Variants in DAB1 observed in about 807,000 individuals in gnomAD.
DAB1 encodes DAB adaptor protein 1, also known as disabled homolog 1.
Under a neutral mutation model 64.6 loss-of-function variants are expected in DAB1, and 15 were observed. That is an observed-to-expected ratio of 0.23 (90% CI 0.16 to 0.36). The LOEUF is 0.36. Among genes scored for constraint, DAB1 ranks in the 10% least tolerant of loss-of-function variants. The pLI is 1.00. For missense variants in DAB1, 596 were observed against 706.7 expected, an observed-to-expected ratio of 0.84 and a Z score of 1.78; for synonymous variants, 235 against 251.9, an observed-to-expected ratio of 0.93 and a Z score of 0.64.
chr1:58,490,720 C>T (rs1047375679), intron 3 of DAB1, among the ~76,000 whole-genome samples: 1 of 151,238 alleles, frequency 6.6e-6, no homozygotes, highest in Non-Finnish European at 1.5e-5. Flanking sequence ...CAAAGGGAAG[C>T]CCATCAGACT....
intron 7 of DAB1, among the ~76,000 whole-genome samples, chr1:57,444,724 C>T (rs941700632): frequency 6.6e-6 from 1 of 152,170 alleles, no homozygotes. Flanking sequence ...AACCAAGGAA[C>T]ACCTGCAGCC....
intron 4 of DAB1, among the ~76,000 whole-genome samples, chr1:57,094,354 G>A (rs777301627): frequency 1.3e-5 from 2 of 152,022 alleles, no homozygotes; most frequent in South Asian, 2.1e-4. Context: ...TGCAAAATCC[G>A]GATCACATTC....
intron 5 of DAB1, among the ~76,000 whole-genome samples, chr1:57,916,268 C>G (rs1644725889): frequency 6.6e-6 from 1 of 152,204 alleles, no homozygotes; most frequent in African/African-American, 2.4e-5. Context: ...GCCCTCCTCT[C>G]TCCCAGACAA....
intron 6 of DAB1, among the ~76,000 whole-genome samples, chr1:57,788,591 G>C (rs80201196): frequency 0.013 from 2,021 of 152,252 alleles, 44 homozygotes; most frequent in African/African-American, 0.046. Flanking sequence ...GTTATTCTAT[G>C]TATTTCCCAC....
At chr1:58,304,085 C>T (rs973236) in intron 4 of DAB1, among the ~76,000 whole-genome samples, 143,178 of 152,122 alleles carry the variant, frequency 0.94, 67,416 homozygotes, top group East Asian at 0.99. Context: ...TGGATAAGTA[C>T]GGGGAAAAAT....
chr1:57,786,075 T>C (rs1292690867), intron 6 of DAB1, among the ~76,000 whole-genome samples: 1 of 152,188 alleles, frequency 6.6e-6, no homozygotes, highest in Admixed American at 6.5e-5. Flanking sequence ...GCAAAGAAGA[T>C]CACGACTCCT....
chr1:57,533,498 G>A (rs147229927), intron 7 of DAB1, among the ~76,000 whole-genome samples: 1 of 149,330 alleles, frequency 6.7e-6, no homozygotes, highest in East Asian at 2.0e-4. Flanking sequence ...CCAGAAATAT[G>A]TGACTAGAAA....
chr1:57,640,815 A>G (rs778035686), intron 7 of DAB1, among the ~76,000 whole-genome samples: 6 of 152,240 alleles, frequency 3.9e-5, no homozygotes, highest in Non-Finnish European at 7.3e-5. Context: ...AGACATCAGC[A>G]TTAGAGTAAC....
At chr1:57,368,818 G>T (rs1036658972) in intron 1 of DAB1, among the ~76,000 whole-genome samples, 5 of 152,038 alleles carry the variant, frequency 3.3e-5, no homozygotes, top group African/African-American at 1.2e-4. Flanking sequence ...AGACAGAAAG[G>T]CGACACCTCA....
At chr1:57,173,294 C>T (rs1569735569) in intron 2 of DAB1, among the ~76,000 whole-genome samples, 1 of 152,184 alleles carries the variant, frequency 6.6e-6, no homozygotes, top group African/African-American at 2.4e-5. Flanking sequence ...GTTCCAAAAT[C>T]TGAAACTCTT....
intron 6 of DAB1, among the ~76,000 whole-genome samples, chr1:57,746,562 G>T (rs1015713644): frequency 6.6e-6 from 1 of 152,016 alleles, no homozygotes; most frequent in Non-Finnish European, 1.5e-5. Flanking sequence ...CTTGGTGTCT[G>T]CAGGAGATTG....
intron 2 of DAB1, among the ~76,000 whole-genome samples, chr1:57,174,243 C>T (rs1409503794): frequency 6.6e-6 from 1 of 152,178 alleles, no homozygotes; most frequent in African/African-American, 2.4e-5. Context: ...ACCCTCTCTA[C>T]AACCATTCCA....
intron 4 of DAB1, among the ~76,000 whole-genome samples, chr1:57,088,793 T>C (rs905362346): frequency 1.3e-5 from 2 of 152,240 alleles, no homozygotes; most frequent in Non-Finnish European, 2.9e-5. Context: ...GTTTCACTGC[T>C]TTAACTGTGA....
At chr1:57,135,852 A>G (rs1658035042) in intron 4 of DAB1, among the ~76,000 whole-genome samples, 2 of 152,196 alleles carry the variant, frequency 1.3e-5, no homozygotes, top group Admixed American at 6.5e-5. Flanking sequence ...CTGAATAAAT[A>G]TAAGGAAAAA....
In DAB1 at chr1:57,014,360, C is replaced by T. The variant is rs183225777; in HGVS notation, c.1444+523G>A. On this transcript the variant is annotated intron_variant, in intron 12 of 14. Coordinates refer to ENST00000371236, the MANE Select transcript of DAB1 (RefSeq NM_001365792.1). ...GACCTTATGGCTGCGTATCTCTGCC[C>T]TAAGTTTTCTCTTGATCCTTATTTT... Among the ~76,000 whole-genome samples the T allele has an allele frequency of 1.7e-3, 263 of 152,314 alleles. 2 individuals carry two copies. Among genetic ancestry groups the T allele is most frequent in the African/African-American group, 6.1e-3 (252 of 41,574 alleles).
At chr1:57,849,175 T>C (rs1370855238) in intron 1 of DAB1, among the ~76,000 whole-genome samples, 1 of 152,094 alleles carries the variant, frequency 6.6e-6, no homozygotes, top group Non-Finnish European at 1.5e-5. Context: ...GAGCACTATG[T>C]CCCCAGGAAT....
chr1:57,500,087 T>G (rs1644273537), intron 7 of DAB1, among the ~76,000 whole-genome samples: 2 of 152,262 alleles, frequency 1.3e-5, no homozygotes, highest in South Asian at 4.1e-4. Context: ...TGATAGAGAT[T>G]TATAGTTTGC....
intron 1 of DAB1, among the ~76,000 whole-genome samples, chr1:57,853,185 A>C (rs1254897220): frequency 6.6e-6 from 1 of 152,104 alleles, no homozygotes; most frequent in Non-Finnish European, 1.5e-5. Context: ...TGATGCATTA[A>C]GTAGAAGCTT....
chr1:57,031,171 C>T (rs1473070627), intron 9 of DAB1, among the ~76,000 whole-genome samples: 1 of 152,110 alleles, frequency 6.6e-6, no homozygotes, highest in Non-Finnish European at 1.5e-5. Flanking sequence ...TATTTCATTC[C>T]ATTGGTTTGC....
Sources: allele counts gnomAD v4.1 joint callset (sites outside exome capture counted in the v4.1 genomes callset), GRCh38; gene constraint gnomAD v4.1.1; transcripts MANE v1.5; gene names NCBI Gene and HGNC (gene_info 2026-07-23, HGNC 2026-07-21).